TACC1: variants seen among roughly 807,000 people sequenced by gnomAD.
The protein encoded by TACC1 is transforming acidic coiled-coil-containing protein 1.
A neutral mutation model predicts 84.4 loss-of-function variants in TACC1; 48 were observed. The observed-to-expected ratio is 0.57, with a 90% CI of 0.45 to 0.72. The LOEUF is 0.72. TACC1 is among the 30% of genes least tolerant of loss of function. The pLI is 0.00. For synonymous variants in TACC1, 372 were observed against 376.3 expected (o/e 0.99, Z 0.13); for missense variants, 920 against 973.0 (o/e 0.95, Z 0.72).
intron 2 of TACC1, among the ~76,000 whole-genome samples, chr8:38,808,908 G>A (rs200892381): frequency 2.0e-5 from 3 of 151,640 alleles, no homozygotes; most frequent in South Asian, 2.1e-4. Flanking sequence ...CCCACCCACC[G>A]CCTCTGCTTG....
intron 3 of TACC1, chr8:38,757,260 C>A: frequency 8.8e-7 from 1 of 1,136,268 alleles, no homozygotes; most frequent in Non-Finnish European, 1.1e-6. Context: ...CACCGCCTCC[C>A]CGCCCAGGGT....
intron 7 of TACC1, among the ~76,000 whole-genome samples, chr8:38,836,595 T>C (rs912203742): frequency 6.6e-6 from 1 of 152,236 alleles, no homozygotes; most frequent in Non-Finnish European, 1.5e-5. Flanking sequence ...ACTAAATCAG[T>C]GCTTTTATTT....
At chr8:38,757,229 G>T in intron 3 of TACC1, 2 of 104,210 alleles carry the variant, frequency 1.9e-5, no homozygotes, top group Non-Finnish European at 3.5e-5. Context: ...GCCCTCCCTC[G>T]CCCCACCCTT....
chr8:38,752,212 T>C (rs2151748781), intron 3 of TACC1, among the ~76,000 whole-genome samples: 1 of 152,312 alleles, frequency 6.6e-6, no homozygotes, highest in Non-Finnish European at 1.5e-5. Flanking sequence ...GGCTCATGCC[T>C]GTAATCCCAG....
chr8:38,839,611 A>G, intron 8 of TACC1: 1 of 265,664 alleles, frequency 3.8e-6, no homozygotes, highest in Non-Finnish European at 7.1e-6. Flanking sequence ...TGATGGGGGC[A>G]CCACCATTGA....
At chr8:38,828,569 A>G (rs1347095528) in intron 5 of TACC1, among the ~76,000 whole-genome samples, 1 of 152,182 alleles carries the variant, frequency 6.6e-6, no homozygotes, top group African/African-American at 2.4e-5. Context: ...TGTTTGTTCC[A>G]ATTCCTCTTG....
At chr8:38,805,133 C>T (rs566875322) in intron 2 of TACC1, among the ~76,000 whole-genome samples, 7 of 152,328 alleles carry the variant, frequency 4.6e-5, no homozygotes, top group African/African-American at 9.6e-5. Context: ...GCATTGAGAG[C>T]AGCTGTTTCC....
In TACC1 at chr8:38,807,275, C is replaced by T. The variant is rs180709276; in HGVS notation, c.278-12247C>T. 1.3e-4 allele frequency among the ~76,000 whole-genome samples: 20 copies of T among 152,288 alleles called. No individual in the cohort carries two copies. In the East Asian group the frequency reaches 3.9e-3, roughly 29 times the overall value. On this transcript the variant is annotated intron_variant, in intron 2 of 12. Transcript: ENST00000317827. ...CCCATCTTCTAATCATGCATTTGGT[C>T]TTTCTGGTCGTCAGCCCCCATCCTG... is the stretch of plus-strand genomic sequence containing the variant.
At chr8:38,763,789 T>A (rs886706472) in intron 3 of TACC1, among the ~76,000 whole-genome samples, 1 of 152,252 alleles carries the variant, frequency 6.6e-6, no homozygotes, top group Non-Finnish European at 1.5e-5. Context: ...AATGGTTCAT[T>A]ATCTGTATAT....
chr8:38,806,630 T>A (rs750766821), intron 2 of TACC1, among the ~76,000 whole-genome samples: 1 of 152,010 alleles, frequency 6.6e-6, no homozygotes, highest in Non-Finnish European at 1.5e-5. Context: ...GGACTTGGTT[T>A]TGGGTAAGAA....
intron 2 of TACC1, among the ~76,000 whole-genome samples, chr8:38,817,147 A>G (rs555430481): frequency 2.0e-5 from 3 of 152,352 alleles, no homozygotes; most frequent in South Asian, 4.1e-4. Context: ...ACCAAAACTT[A>G]AAAGGAGTGA....
chr8:38,783,096 ATCTATC>A (rs1386501766), upstream of TACC1, among the ~76,000 whole-genome samples: 1,344 of 116,956 alleles, frequency 0.011, 7 homozygotes, highest in East Asian at 0.034. Flanking sequence ...CTATCTATCT[ATCTATC>A]TATCTATATA....
chr8:38,804,680 G>A (rs1261320130), intron 2 of TACC1, among the ~76,000 whole-genome samples: 5 of 152,058 alleles, frequency 3.3e-5, no homozygotes, highest in African/African-American at 1.2e-4. Flanking sequence ...ACAGCTCACT[G>A]CAACCTCAAC....
At chr8:38,738,144 T>C (rs991945607) in intron 1 of TACC1, among the ~76,000 whole-genome samples, 5 of 152,122 alleles carry the variant, frequency 3.3e-5, no homozygotes, top group African/African-American at 1.2e-4. Flanking sequence ...CTCACACCTT[T>C]AATCCCAACA....
At chr8:38,803,076 T>C (rs1821794909) in intron 2 of TACC1, among the ~76,000 whole-genome samples, 2 of 152,246 alleles carry the variant, frequency 1.3e-5, no homozygotes, top group African/African-American at 4.8e-5. Flanking sequence ...TAATTTTTTT[T>C]GGAATTTTCA....
In TACC1 at chr8:38,842,371, ACT is replaced by A; in HGVS notation, c.2048_2049del (p.Ser683CysfsTer7). The A allele has an allele frequency of 6.2e-7, 1 of 1,614,170 alleles. No individual in the cohort carries two copies. Among genetic ancestry groups the A allele is most frequent in the Non-Finnish European group, 8.5e-7 (1 of 1,180,004 alleles). On this transcript the variant is annotated frameshift_variant, in exon 10 of 13. Transcript: ENST00000317827. LOFTEE classifies it high-confidence loss of function. ...AAGGAACAGGCCCTGGCTGACCTTA[ACT>A]CTGTGGAAAGGTCCCTTTCTGATCT...
intron 7 of TACC1, 149 bp from the exon 8 acceptor site, chr8:38,838,321 C>T (rs754317494): frequency 3.6e-6 from 2 of 557,524 alleles, no homozygotes; most frequent in Non-Finnish European, 6.4e-6. Flanking sequence ...TACACTTTTC[C>T]AAATGGTTAC....
chr8:38,751,874 A>C (rs2151746681), intron 3 of TACC1, among the ~76,000 whole-genome samples: 1 of 152,352 alleles, frequency 6.6e-6, no homozygotes, highest in South Asian at 2.1e-4. Context: ...TGTGGTGAAC[A>C]GTAAATGAGT....
chr8:38,824,791 T>C (rs1194089292), intron 3 of TACC1: 1 of 153,826 alleles, frequency 6.5e-6, no homozygotes, highest in Non-Finnish European at 1.4e-5. Context: ...ATTTTTACTT[T>C]TATACTTTTT....
Sources: allele counts gnomAD v4.1 joint callset (sites outside exome capture counted in the v4.1 genomes callset), GRCh38; gene constraint gnomAD v4.1.1; transcripts MANE v1.5; gene names NCBI Gene and HGNC (gene_info 2026-07-23, HGNC 2026-07-21).